The following MSH4 variants were observed in gnomAD, a reference collection of about 807,000 sequenced individuals.
MSH4 encodes mutS protein homolog 4.
MSH4 carries 106 observed loss-of-function variants against 113.7 expected under a neutral mutation model. The observed-to-expected ratio is 0.93, with a 90% CI of 0.80 to 1.10. The LOEUF is 1.10. Ranked by LOEUF, MSH4 falls within the 50% of genes least tolerant of loss-of-function variation. The pLI, the probability that MSH4 is intolerant of heterozygous loss-of-function variation, is 0.00. For missense variants in MSH4, 1,061 were observed against 1,093.7 expected (o/e 0.97, Z 0.42); for synonymous variants, 368 against 380.2 (o/e 0.97, Z 0.37).
intron 6 of MSH4, 76 bp downstream of exon 6, chr1:75,816,622 C>A (rs1172427121): frequency 1.1e-6 from 1 of 885,844 alleles, no homozygotes; most frequent in Middle Eastern, 4.0e-4. Context: ...CTTTAAAGTT[C>A]TTTTTTTCTT....
chr1:75,809,735 G>T lies in MSH4; in HGVS notation c.589-962G>T, dbSNP rs1650147401. On this transcript the variant is annotated intron_variant, in intron 3 of 19. Coordinates refer to ENST00000263187, the MANE Select transcript of MSH4 (RefSeq NM_002440.4). ...GACTCACTGCGACCTCTGCCTTCCG[G>T]GTTCAAGCAATTCTCCTGCCTCAGC... Among the ~76,000 whole-genome samples the T allele has an allele frequency of 2.0e-5, 3 of 151,152 alleles. No homozygotes were observed. In the South Asian group the frequency reaches 6.3e-4, roughly 32 times the overall value.
At chr1:75,872,884 A>G (rs1197533810) in intron 9 of MSH4, among the ~76,000 whole-genome samples, 1 of 152,212 alleles carries the variant, frequency 6.6e-6, no homozygotes, top group Non-Finnish European at 1.5e-5. Flanking sequence ...TGATGCCAGA[A>G]CAAATCGATA....
At chr1:75,824,104 T>G (rs1650490568) in intron 7 of MSH4, among the ~76,000 whole-genome samples, 1 of 151,920 alleles carries the variant, frequency 6.6e-6, no homozygotes, top group East Asian at 1.9e-4. Flanking sequence ...CAGTGTAAAG[T>G]GTTCCTATTT....
rs189140329 is a variant in MSH4, at chr1:75,872,810, G to T, written c.1306-4126G>T. Among the ~76,000 whole-genome samples, 29 of 152,338 alleles carry T rather than the reference G, an allele frequency of 1.9e-4. 1 individual carries two copies. In the East Asian group the frequency reaches 5.4e-3, roughly 28 times the overall value. ...AAAGATTTATAGTGATTGAGCATCT[G>T]CTGATCATGAAGCATTGGAGAAATT... is the stretch of plus-strand genomic sequence containing the variant. On this transcript the variant is annotated intron_variant, in intron 9 of 19. Coordinates refer to ENST00000263187, the MANE Select transcript of MSH4 (RefSeq NM_002440.4).
At chr1:75,855,443 A>T (rs1348939214) in intron 8 of MSH4, among the ~76,000 whole-genome samples, 1 of 152,190 alleles carries the variant, frequency 6.6e-6, no homozygotes, top group Non-Finnish European at 1.5e-5. Flanking sequence ...TCTGAAATCA[A>T]GGTGTTTTAG....
rs764471291 is a variant in MSH4 at position 75,810,845 on chromosome 1, A to C, written c.699+38A>C. ...TACTGTTTGTAACATTCAAGATCTA[A>C]TCACTTATTTATTTATTTGTTATTT... On this transcript the variant is annotated intron_variant, in intron 4 of 19. Coordinates refer to ENST00000263187, the MANE Select transcript of MSH4 (RefSeq NM_002440.4). The C allele has an allele frequency of 6.5e-6, 6 of 926,896 alleles. No homozygotes were observed. The Admixed American group carries it at 1.6e-4, about 24-fold the overall frequency. The allele number at this position is 926,896 out of a possible 1,614,324, so 57.4% of individuals were successfully genotyped here. A position where few individuals can be genotyped will look rare whatever the true frequency, so the allele number is the denominator to read the frequency against.
At chr1:75,830,765 G>A (rs1650666670) in intron 7 of MSH4, among the ~76,000 whole-genome samples, 2 of 152,156 alleles carry the variant, frequency 1.3e-5, no homozygotes, top group South Asian at 4.1e-4. Flanking sequence ...CACCAGGCCT[G>A]CCTTACAAGA....
intron 1 of MSH4, among the ~76,000 whole-genome samples, chr1:75,803,174 G>A (rs541980609): frequency 1.3e-5 from 2 of 152,054 alleles, no homozygotes; most frequent in East Asian, 3.9e-4. Context: ...AAGATTAAAG[G>A]GTAATTTATG....
chr1:75,867,370 A>G (rs1651608823), intron 8 of MSH4, 144 bp from the exon 9 acceptor site: 1 of 563,226 alleles, frequency 1.8e-6, no homozygotes, highest in Non-Finnish European at 3.1e-6. Flanking sequence ...ATAATTTTGT[A>G]TCATTCTTTA....
At position 75,797,947 on chromosome 1, in the gene MSH4, A is replaced by G. The variant is rs79065193; in HGVS notation, c.244+718A>G. 7.7e-3 allele frequency among the ~76,000 whole-genome samples: 1,174 copies of G among 152,280 alleles called. 10 individuals carry two copies. Among genetic ancestry groups the G allele is most frequent in the African/African-American group, 0.027 (1,125 of 41,558 alleles). On this transcript the variant is annotated intron_variant, in intron 1 of 19. Transcript: ENST00000263187. ...TGACACAGTGAGACCCTGACTCAAA[A>G]CAAACAAACAAAAAAGATGCATGTC...
intron 17 of MSH4, among the ~76,000 whole-genome samples, chr1:75,896,394 C>CACACACACACACAT (rs571761055): frequency 0.019 from 2,807 of 147,216 alleles, 91 homozygotes; most frequent in Non-Finnish European, 0.027. Flanking sequence ...CACACACACA[C>CACACACACACACAT]CCTATTGGTC....
intron 7 of MSH4, among the ~76,000 whole-genome samples, chr1:75,846,511 A>C (rs1651081330): frequency 6.6e-6 from 1 of 152,150 alleles, no homozygotes; most frequent in African/African-American, 2.4e-5. Context: ...GCCTTCCACA[A>C]TATCCTAGGA....
chr1:75,867,596 A>T lies in MSH4; in HGVS notation c.1305+8A>T, dbSNP rs2100561381. 1 of 1,511,056 alleles carries T rather than the reference A, an allele frequency of 6.6e-7. No individual in the cohort carries two copies. The highest frequency in any genetic ancestry group is 9.1e-7 in the Non-Finnish European group (1 of 1,102,218). The allele number at this position is 1,511,056 out of a possible 1,614,324, so 93.6% of individuals were successfully genotyped here. A position where few individuals can be genotyped will look rare whatever the true frequency, so the allele number is the denominator to read the frequency against. ...CTTGTGGATCCTTTAAAGGTAATTT[A>T]TGTGTGTGTATCGTACAAAACATGT... On this transcript the variant is annotated splice_region_variant and intron_variant, in intron 9 of 19. Transcript: ENST00000263187.
chr1:75,832,000 G>T (rs1334775450), intron 7 of MSH4, among the ~76,000 whole-genome samples: 1 of 152,036 alleles, frequency 6.6e-6, no homozygotes, highest in African/African-American at 2.4e-5. Flanking sequence ...TCAAGGAGCT[G>T]GTTTTTTGAA....
intron 8 of MSH4, among the ~76,000 whole-genome samples, chr1:75,862,086 C>T (rs148055601): frequency 9.6e-4 from 146 of 152,310 alleles, no homozygotes; most frequent in African/African-American, 3.4e-3. Flanking sequence ...GGCGTGGAAC[C>T]TGCTGAGCCA....
chr1:75,810,608 G>A, intron 3 of MSH4, 89 bp from the exon 4 acceptor site: 1 of 544,736 alleles, frequency 1.8e-6, no homozygotes, highest in Non-Finnish European at 3.1e-6. Flanking sequence ...GTGTATCTAT[G>A]AATTAATTTT....
At chr1:75,882,068 T>C (rs1437503234) in intron 14 of MSH4, among the ~76,000 whole-genome samples, 2 of 152,104 alleles carry the variant, frequency 1.3e-5, no homozygotes, top group African/African-American at 4.8e-5. Context: ...TAATTTACTT[T>C]TATGGGATGT....
intron 4 of MSH4, among the ~76,000 whole-genome samples, chr1:75,814,347 C>CCCAG (rs1179949221): frequency 6.6e-6 from 1 of 151,146 alleles, no homozygotes; most frequent in African/African-American, 2.4e-5. Flanking sequence ...TGCCTGTAGT[C>CCCAG]CCAGCTACTC....
rs1406836411 is a variant in MSH4 at position 75,881,259 on chromosome 1, C to A, written c.1795C>A (p.Leu599Met). The A allele has an allele frequency of 1.2e-6, 2 of 1,604,328 alleles. No individual in the cohort carries two copies. The highest frequency in any genetic ancestry group is 1.7e-6 in the Non-Finnish European group (2 of 1,173,312). Residue 599 changes from leucine (L) to methionine (M), a missense_variant, in exon 14 of 20, where the codon CTG (leucine) becomes ATG (methionine). Physicochemically the swap from Leu to Met is conservative, Grantham distance 15 (BLOSUM62 2). Coordinates refer to ENST00000263187, the MANE Select transcript of MSH4 (RefSeq NM_002440.4). ...ACGTGTTTTCAGGATAGTGTGCAAACTGCTTAGTGAGATTTATGAACATAT... is the reference window on the plus strand; with the variant it reads ...ACGTGTTTTCAGGATAGTGTGCAAAATGCTTAGTGAGATTTATGAACATAT... ...YHMTYMIVCK[L>M]LSEIYEHIHC... is the part of the protein sequence containing the mutation.
Sources: gnomAD v4.1 joint callset for allele counts (sites outside exome capture counted in the v4.1 genomes callset) on GRCh38, gnomAD v4.1.1 for gene constraint, MANE v1.5 for transcripts, NCBI Gene and HGNC (gene_info 2026-07-23, HGNC 2026-07-21) for gene names.